ARHGAP10: variants seen among roughly 807,000 people sequenced by gnomAD.
The protein encoded by ARHGAP10 is rho GTPase-activating protein 10.
A neutral mutation model predicts 108.6 loss-of-function variants in ARHGAP10; 87 were observed. The ratio of observed to expected loss-of-function variants is 0.80; its 90% CI spans 0.67 to 0.96. The LOEUF is 0.96. ARHGAP10 is among the 40% of genes least tolerant of loss of function. The pLI, the probability that ARHGAP10 is intolerant of heterozygous loss-of-function variation, is 0.00. For synonymous variants in ARHGAP10, 347 were observed against 341.1 expected (o/e 1.02, Z -0.19); for missense variants, 939 against 954.5 (o/e 0.98, Z 0.21).
intron 22 of ARHGAP10, among the ~76,000 whole-genome samples, chr4:148,069,763 A>G (rs1251993812): frequency 1.3e-5 from 2 of 152,178 alleles, no homozygotes; most frequent in Non-Finnish European, 2.9e-5. Flanking sequence ...GCATCTAGGT[A>G]GCCAGGAGTC....
At chr4:147,948,674 A>G (rs1031711151) in intron 15 of ARHGAP10, among the ~76,000 whole-genome samples, 2 of 152,082 alleles carry the variant, frequency 1.3e-5, no homozygotes, top group Non-Finnish European at 2.9e-5. Flanking sequence ...AATGCATTGT[A>G]GGCCGGGCGC....
intron 13 of ARHGAP10, among the ~76,000 whole-genome samples, chr4:147,914,621 A>T (rs1336085621): frequency 7.5e-6 from 1 of 132,870 alleles, no homozygotes; most frequent in Non-Finnish European, 1.5e-5. Flanking sequence ...CATGCAGTTC[A>T]TAGTCTTTTG....
At chr4:147,852,726 TTTTTA>T (rs1255497686) in intron 4 of ARHGAP10, among the ~76,000 whole-genome samples, 3,099 of 52,940 alleles carry the variant, frequency 0.059, 147 homozygotes, top group African/African-American at 0.14. Context: ...TTTTTTTTTT[TTTTTA>T]AAATGGAGCG....
chr4:147,888,460 T>A (rs947496375), intron 10 of ARHGAP10, among the ~76,000 whole-genome samples: 1 of 152,204 alleles, frequency 6.6e-6, no homozygotes, highest in South Asian at 2.1e-4. Flanking sequence ...TCTAACATGT[T>A]ATATAGGTAA....
At chr4:147,923,956 T>G (rs1253105685) in intron 13 of ARHGAP10, among the ~76,000 whole-genome samples, 4 of 152,236 alleles carry the variant, frequency 2.6e-5, no homozygotes, top group Non-Finnish European at 4.4e-5. Flanking sequence ...CTCAGAAAAT[T>G]TACAGCAAGT....
intron 1 of ARHGAP10, among the ~76,000 whole-genome samples, chr4:147,760,431 G>C (rs982800430): frequency 6.6e-6 from 1 of 152,170 alleles, no homozygotes; most frequent in Non-Finnish European, 1.5e-5. Flanking sequence ...AGCAGCTCCC[G>C]TGAGTCCACA....
At chr4:148,043,693 A>ATG (rs1728744238) in intron 19 of ARHGAP10, among the ~76,000 whole-genome samples, 1 of 126,420 alleles carries the variant, frequency 7.9e-6, no homozygotes, top group Admixed American at 9.4e-5. Flanking sequence ...TATAGGAAAA[A>ATG]TGTATAAGGA....
At chr4:147,902,375 G>A (rs1007013360) in intron 10 of ARHGAP10, among the ~76,000 whole-genome samples, 2 of 152,116 alleles carry the variant, frequency 1.3e-5, no homozygotes, top group African/African-American at 2.4e-5. Flanking sequence ...TTAGCATGGT[G>A]TATTAATTCA....
intron 6 of ARHGAP10, 40 bp downstream of exon 6, chr4:147,864,996 T>C (rs1400635539): frequency 2.6e-6 from 4 of 1,523,204 alleles, no homozygotes; most frequent in Non-Finnish European, 1.8e-6. Flanking sequence ...ATTTTTGCAA[T>C]GTAAGATAAG....
intron 13 of ARHGAP10, among the ~76,000 whole-genome samples, chr4:147,935,178 T>C (rs1298594251): frequency 1.3e-5 from 2 of 152,178 alleles, no homozygotes; most frequent in Non-Finnish European, 2.9e-5. Flanking sequence ...TTAAGTTGAA[T>C]ACACTGCAGT....
intron 18 of ARHGAP10, among the ~76,000 whole-genome samples, chr4:147,975,201 C>T (rs1451207507): frequency 1.3e-5 from 2 of 151,898 alleles, no homozygotes; most frequent in African/African-American, 2.4e-5. Flanking sequence ...TAGAATGTGT[C>T]TTTTTTTTGG....
intron 1 of ARHGAP10, among the ~76,000 whole-genome samples, chr4:147,793,474 T>C (rs1731201195): frequency 1.3e-5 from 2 of 152,244 alleles, no homozygotes; most frequent in South Asian, 4.1e-4. Flanking sequence ...CCTTAACAGT[T>C]ATATCTAGAA....
chr4:147,972,160 AG>A lies in ARHGAP10; in HGVS notation c.1716+5325del, dbSNP rs1312800023. ...GGTGCTCAAACTTATGAGTGAATTTAGGGGTAGAAAGTATAACGTAAGGTAT... is the reference window on the plus strand; with the variant it reads ...GGTGCTCAAACTTATGAGTGAATTTAGGGTAGAAAGTATAACGTAAGGTAT... On this transcript the variant is annotated intron_variant, in intron 18 of 22. Transcript: ENST00000336498. 7.9e-5 allele frequency among the ~76,000 whole-genome samples: 12 copies of A among 152,166 alleles called. 1 individual carries two copies. The highest frequency in any genetic ancestry group is 7.9e-4 in the Admixed American group (12 of 15,280).
chr4:147,983,278 C>T (rs976540896), intron 18 of ARHGAP10, among the ~76,000 whole-genome samples: 11 of 151,912 alleles, frequency 7.2e-5, no homozygotes, highest in Middle Eastern at 3.4e-3. Context: ...CTCCACCTCC[C>T]GGGTTCACGC....
At chr4:147,732,824 A>G (rs1412184808) in intron 1 of ARHGAP10, among the ~76,000 whole-genome samples, 7 of 152,014 alleles carry the variant, frequency 4.6e-5, no homozygotes, top group South Asian at 4.1e-4. Context: ...GCTACTCACA[A>G]TCTCTTACAA....
At chr4:147,770,189 G>T (rs928167050) in intron 1 of ARHGAP10, among the ~76,000 whole-genome samples, 6 of 152,192 alleles carry the variant, frequency 3.9e-5, no homozygotes, top group Non-Finnish European at 7.3e-5. Context: ...CTCAACTCCA[G>T]TCTGTAGACT....
intron 13 of ARHGAP10, among the ~76,000 whole-genome samples, chr4:147,933,507 A>T (rs1311071901): frequency 2.6e-5 from 4 of 150,976 alleles, no homozygotes. Context: ...CAGGATTCTA[A>T]GATGACTGAC....
chr4:147,832,639 T>G (rs1579094877), intron 3 of ARHGAP10, among the ~76,000 whole-genome samples: 1 of 6,406 alleles, frequency 1.6e-4, no homozygotes, highest in East Asian at 0.038. Flanking sequence ...AGAGCAAGAC[T>G]CTGTCTCAAA....
At chr4:147,759,762 A>G (rs150596370) in intron 1 of ARHGAP10, among the ~76,000 whole-genome samples, 24 of 152,048 alleles carry the variant, frequency 1.6e-4, no homozygotes, top group African/African-American at 5.5e-4. Flanking sequence ...TGATTAATTT[A>G]TTTTGAGACA....
Sources: allele counts gnomAD v4.1 joint callset (sites outside exome capture counted in the v4.1 genomes callset), GRCh38; gene constraint gnomAD v4.1.1; transcripts MANE v1.5; gene names NCBI Gene and HGNC (gene_info 2026-07-23, HGNC 2026-07-21).